PTPRD: variants seen among roughly 807,000 people sequenced by gnomAD.
The protein encoded by PTPRD is receptor-type tyrosine-protein phosphatase delta.
PTPRD carries 34 observed loss-of-function variants against 214.5 expected under a neutral mutation model. The ratio of observed to expected loss-of-function variants is 0.16; its 90% CI spans 0.12 to 0.21. The LOEUF (loss-of-function observed/expected upper bound fraction) is 0.21, where lower values mean the gene tolerates loss of function less well. Ranked by LOEUF, PTPRD falls within the 10% of genes least tolerant of loss-of-function variation. The probability of loss-of-function intolerance (pLI) is 1.00; values close to 1 mark genes in which losing one functional copy is unlikely to be tolerated. For missense variants in PTPRD, 2,545 were observed against 2,398.7 expected (o/e 1.06, Z -1.27); for synonymous variants, 1,128 against 845.7 (o/e 1.33, Z -5.79).
intron 11 of PTPRD, among the ~76,000 whole-genome samples, chr9:8,933,401 T>C (rs1009135621): frequency 7.1e-6 from 1 of 140,414 alleles, no homozygotes; most frequent in Admixed American, 8.1e-5. Context: ...AGATAATAAT[T>C]TATCCCTTTC....
chr9:10,514,667 T>A (rs1044577402), intron 2 of PTPRD, among the ~76,000 whole-genome samples: 37 of 151,946 alleles, frequency 2.4e-4, no homozygotes, highest in Admixed American at 2.2e-3. Context: ...CTCTTGAGAA[T>A]TTAAAGTTAA....
intron 3 of PTPRD, among the ~76,000 whole-genome samples, chr9:10,128,566 A>G (rs1044068449): frequency 1.3e-5 from 2 of 152,204 alleles, no homozygotes; most frequent in Admixed American, 6.5e-5. Context: ...TTCAGCCTCC[A>G]GAACTGCGAG....
At chr9:8,595,724 T>C (rs1171853895) in intron 14 of PTPRD, among the ~76,000 whole-genome samples, 1 of 152,214 alleles carries the variant, frequency 6.6e-6, no homozygotes, top group African/African-American at 2.4e-5. Context: ...CTAAGTTTAC[T>C]GTATTGGAGG....
chr9:10,290,034 T>G (rs2095484602), intron 3 of PTPRD, among the ~76,000 whole-genome samples: 1 of 152,102 alleles, frequency 6.6e-6, no homozygotes, highest in South Asian at 2.1e-4. Context: ...TATCATGAAT[T>G]AAAATAACAA....
chr9:10,385,790 T>G (rs2154486832), intron 2 of PTPRD, among the ~76,000 whole-genome samples: 1 of 151,958 alleles, frequency 6.6e-6, no homozygotes, highest in East Asian at 2.0e-4. Flanking sequence ...AAATGAACAT[T>G]ATGAGATTCT....
chr9:9,939,766 T>C (rs7849423), intron 4 of PTPRD, among the ~76,000 whole-genome samples: 63,792 of 151,918 alleles, frequency 0.42, 14,769 homozygotes, highest in East Asian at 0.63. Flanking sequence ...CTAATACTCA[T>C]TTAGCTTAAG....
intron 11 of PTPRD, among the ~76,000 whole-genome samples, chr9:8,914,337 T>C (rs2098769637): frequency 6.6e-6 from 1 of 152,148 alleles, no homozygotes; most frequent in African/African-American, 2.4e-5. Context: ...TCTTACCAAA[T>C]AACAATATTA....
In PTPRD at chr9:8,667,427, A is replaced by T. The variant is rs74632167; in HGVS notation, c.65-30583T>A. Among the ~76,000 whole-genome samples the T allele has an allele frequency of 1.3e-3, 191 of 152,312 alleles. 1 individual carries two copies. Among genetic ancestry groups the T allele is most frequent in the African/African-American group, 4.4e-3 (181 of 41,578 alleles). On this transcript the variant is annotated intron_variant, in intron 12 of 45. Transcript: ENST00000381196. ...CAACCAGTTCAACATATCCTCATGT[A>T]CTGGTTAAGCTTCCCTAAACCAAAA... is the stretch of plus-strand genomic sequence containing the variant.
intron 11 of PTPRD, among the ~76,000 whole-genome samples, chr9:8,796,443 G>A (rs1378085053): frequency 6.6e-6 from 1 of 152,118 alleles, no homozygotes; most frequent in Admixed American, 6.6e-5. Context: ...ACAATTATCA[G>A]CAGCTCAGAG....
chr9:9,241,729 T>C (rs1036187656), intron 9 of PTPRD, among the ~76,000 whole-genome samples: 1 of 151,714 alleles, frequency 6.6e-6, no homozygotes, highest in African/African-American at 2.4e-5. Context: ...ATTCTGAGCC[T>C]ATGTGTGTCT....
intron 4 of PTPRD, among the ~76,000 whole-genome samples, chr9:9,969,417 G>C (rs1039449803): frequency 6.6e-6 from 1 of 151,988 alleles, no homozygotes; most frequent in African/African-American, 2.4e-5. Context: ...GGAGATAGAG[G>C]GTACTGTAGT....
At chr9:10,037,966 C>T (rs2097218692) in intron 3 of PTPRD, among the ~76,000 whole-genome samples, 1 of 152,106 alleles carries the variant, frequency 6.6e-6, no homozygotes, top group South Asian at 2.1e-4. Context: ...ATTTCCAAAC[C>T]TTTCATCACA....
At chr9:9,763,989 A>G (rs1483866603) in intron 6 of PTPRD, among the ~76,000 whole-genome samples, 1 of 152,102 alleles carries the variant, frequency 6.6e-6, no homozygotes, top group Non-Finnish European at 1.5e-5. Context: ...AAGAAGCCAG[A>G]TTGATTAAAA....
intron 4 of PTPRD, among the ~76,000 whole-genome samples, chr9:9,956,787 A>G (rs2093964113): frequency 6.6e-6 from 1 of 152,168 alleles, no homozygotes; most frequent in African/African-American, 2.4e-5. Context: ...GAGCAATGAG[A>G]TTTTGTTTTC....
chr9:9,042,127 C>G (rs763884920), intron 10 of PTPRD, among the ~76,000 whole-genome samples: 2 of 152,166 alleles, frequency 1.3e-5, no homozygotes, highest in African/African-American at 2.4e-5. Context: ...TTCCACAACT[C>G]TCTTCTTTAT....
chr9:9,392,435 G>C (rs2066186612), intron 9 of PTPRD, among the ~76,000 whole-genome samples: 1 of 152,136 alleles, frequency 6.6e-6, no homozygotes, highest in African/African-American at 2.4e-5. Flanking sequence ...TTGGTCTTGA[G>C]GATTCAACTG....
intron 39 of PTPRD, among the ~76,000 whole-genome samples, chr9:8,346,483 A>G (rs994208628): frequency 6.6e-6 from 1 of 152,144 alleles, no homozygotes; most frequent in African/African-American, 2.4e-5. Flanking sequence ...AATTCCAGAA[A>G]TAAGTTTTCA....
chr9:10,007,755 A>AT (rs2096516603), intron 4 of PTPRD, among the ~76,000 whole-genome samples: 1 of 152,032 alleles, frequency 6.6e-6, no homozygotes, highest in Non-Finnish European at 1.5e-5. Flanking sequence ...CATTTAAAAA[A>AT]ATATATATTT....
chr9:9,423,785 G>C (rs538175825), intron 8 of PTPRD, among the ~76,000 whole-genome samples: 2 of 152,244 alleles, frequency 1.3e-5, no homozygotes, highest in Non-Finnish European at 2.9e-5. Context: ...GAATTGAAGA[G>C]GGAATTGGTG....
Sources: allele counts gnomAD v4.1 joint callset (sites outside exome capture counted in the v4.1 genomes callset), GRCh38; gene constraint gnomAD v4.1.1; transcripts MANE v1.5; gene names NCBI Gene and HGNC (gene_info 2026-07-23, HGNC 2026-07-21).